SLC25A36: variants seen among roughly 807,000 people sequenced by gnomAD.
SLC25A36 encodes epididymis secretory sperm binding protein.
A neutral mutation model predicts 35.3 loss-of-function variants in SLC25A36; 24 were observed. The ratio of observed to expected loss-of-function variants is 0.68; its 90% CI spans 0.49 to 0.96. The LOEUF is 0.96. Among genes scored for constraint, SLC25A36 ranks in the 40% least tolerant of loss-of-function variants. The pLI, the probability that SLC25A36 is intolerant of heterozygous loss-of-function variation, is 0.00. For synonymous variants in SLC25A36, 141 were observed against 132.2 expected (o/e 1.07, Z -0.46); for missense variants, 294 against 381.1 (o/e 0.77, Z 1.90).
At position 140,979,928 on chromosome 3, in the gene SLC25A36, C is replaced by G. The variant is rs372271376; in HGVS notation, c.*3475C>G. The G allele has an allele frequency of 5.3e-5, 8 of 152,130 alleles. No homozygotes were observed. The East Asian group carries it at 1.5e-3, about 29-fold the overall frequency. 9.4% of individuals were successfully genotyped at this position (152,130 alleles called of 1,614,324 possible). A position where few individuals can be genotyped will look rare whatever the true frequency, so the allele number is the denominator to read the frequency against. On this transcript the variant is annotated 3_prime_UTR_variant, in exon 7 of 7. Coordinates refer to ENST00000324194, the MANE Select transcript of SLC25A36 (RefSeq NM_001104647.3). ...TGTTCAAATTTTAAAAATTAAAATA[C>G]GCTCATGAAAATATGGCTTTTTCTG...
At chr3:140,971,975 A>C (rs1455575359) in intron 5 of SLC25A36, among the ~76,000 whole-genome samples, 1 of 152,174 alleles carries the variant, frequency 6.6e-6, no homozygotes, top group Middle Eastern at 3.2e-3. Context: ...TGTTATGTTG[A>C]ACTATATACT....
At chr3:140,966,464 T>C (rs1330283877) in intron 4 of SLC25A36, 1 of 172,218 alleles carries the variant, frequency 5.8e-6, no homozygotes, top group Non-Finnish European at 1.3e-5. Flanking sequence ...TTCTTTATTT[T>C]ATTAAAAATT....
intron 3 of SLC25A36, 125 bp downstream of exon 3, chr3:140,959,665 T>C (rs1934580771): frequency 1.1e-5 from 5 of 441,480 alleles, no homozygotes; most frequent in African/African-American, 2.0e-5. Flanking sequence ...TTATGGGAAG[T>C]TAAAATACTT....
At chr3:140,963,326 C>G in intron 4 of SLC25A36, 99 bp downstream of exon 4, 1 of 737,380 alleles carries the variant, frequency 1.4e-6, no homozygotes, top group Non-Finnish European at 2.1e-6. Context: ...GATTAATGTG[C>G]TTTTCATTGA....
At chr3:140,962,262 A>G (rs1026089093) in intron 3 of SLC25A36, among the ~76,000 whole-genome samples, 1 of 152,202 alleles carries the variant, frequency 6.6e-6, no homozygotes, top group African/African-American at 2.4e-5. Context: ...AAGGTACAAC[A>G]GTGAAATTCT....
chr3:140,971,290 G>T (rs1934894039), intron 5 of SLC25A36, among the ~76,000 whole-genome samples: 1 of 152,082 alleles, frequency 6.6e-6, no homozygotes, highest in African/African-American at 2.4e-5. Context: ...AGCCCAAAAG[G>T]TAATACTTTC....
At chr3:140,952,932 T>C (rs1190052152) in intron 1 of SLC25A36, among the ~76,000 whole-genome samples, 1 of 152,248 alleles carries the variant, frequency 6.6e-6, no homozygotes, top group African/African-American at 2.4e-5. Context: ...ATGTTTATTA[T>C]AGATTTTGGG....
intron 1 of SLC25A36, among the ~76,000 whole-genome samples, chr3:140,951,608 C>T (rs557994133): frequency 2.6e-5 from 4 of 151,950 alleles, no homozygotes; most frequent in Non-Finnish European, 4.4e-5. Context: ...CTCAGACTCC[C>T]GAGTAGCTAA....
At chr3:140,959,352 G>A in intron 2 of SLC25A36, 111 bp from the exon 3 acceptor site, 1 of 667,374 alleles carries the variant, frequency 1.5e-6, no homozygotes, top group Non-Finnish European at 2.4e-6. Context: ...CACCAGAGAA[G>A]CACAACATAA....
At chr3:140,944,566 A>G (rs1310301284) in intron 1 of SLC25A36, among the ~76,000 whole-genome samples, 1 of 152,232 alleles carries the variant, frequency 6.6e-6, no homozygotes, top group African/African-American at 2.4e-5. Flanking sequence ...TTAAAGACTG[A>G]TAGAATTGTA....
chr3:140,949,665 A>C (rs1194471246), intron 1 of SLC25A36, among the ~76,000 whole-genome samples: 2 of 152,182 alleles, frequency 1.3e-5, no homozygotes, highest in Non-Finnish European at 2.9e-5. Context: ...GTGTTGTTAG[A>C]TTCGTAACCA....
At chr3:140,963,006 G>A (rs962451055) in intron 3 of SLC25A36, 121 bp from the exon 4 acceptor site, 1 of 528,182 alleles carries the variant, frequency 1.9e-6, no homozygotes, top group African/African-American at 2.0e-5. Context: ...TGTTACATGA[G>A]AATGTGGCTA....
At chr3:140,955,249 A>G (rs1235282129) in intron 1 of SLC25A36, among the ~76,000 whole-genome samples, 2 of 151,818 alleles carry the variant, frequency 1.3e-5, no homozygotes, top group South Asian at 2.1e-4. Context: ...CTTTATATAT[A>G]TGTGTGTGTG....
At chr3:140,966,722 G>A (rs1257809330) in intron 4 of SLC25A36, 1 of 353,232 alleles carries the variant, frequency 2.8e-6, no homozygotes, top group Non-Finnish European at 5.6e-6. Context: ...TTCTGAAACT[G>A]CTGCAGATGG....
intron 1 of SLC25A36, among the ~76,000 whole-genome samples, chr3:140,950,070 T>C (rs1319816585): frequency 6.6e-6 from 1 of 152,192 alleles, no homozygotes; most frequent in African/African-American, 2.4e-5. Context: ...ATTGTACCAC[T>C]CTCTTGTTTC....
intron 5 of SLC25A36, among the ~76,000 whole-genome samples, chr3:140,972,346 G>T (rs1934926460): frequency 6.6e-6 from 1 of 152,074 alleles, no homozygotes; most frequent in Admixed American, 6.6e-5. Context: ...ATAATGAAAG[G>T]TTGACTTGAG....
intron 1 of SLC25A36, chr3:140,942,741 G>A (rs1441025282): frequency 6.6e-6 from 1 of 152,300 alleles, no homozygotes; most frequent in East Asian, 1.9e-4. Flanking sequence ...TGGGTGGTAA[G>A]GGGGCTACGG....
rs1256556720 is a variant in SLC25A36 at position 140,950,253 on chromosome 3, C to G, written c.42-6274C>G. 2.6e-5 allele frequency among the ~76,000 whole-genome samples: 4 copies of G among 151,976 alleles called. No individual in the cohort carries two copies. The South Asian group carries it at 6.2e-4, about 24-fold the overall frequency. The stretch of plus-strand genomic sequence containing the variant: ...GAATAACTTCATTCCTCCCCGCCCC[C>G]ACCCCCCACTGCCCCTGAAGTTAAT... On this transcript the variant is annotated intron_variant, in intron 1 of 6. Coordinates refer to ENST00000324194, the MANE Select transcript of SLC25A36 (RefSeq NM_001104647.3).
chr3:140,959,386 C>CG, intron 2 of SLC25A36, 77 bp from the exon 3 acceptor site: 2 of 816,302 alleles, frequency 2.5e-6, no homozygotes, highest in Non-Finnish European at 3.8e-6. Flanking sequence ...GATTTAGACT[C>CG]TAACTTTATA....
Sources: gnomAD v4.1 joint callset for allele counts (sites outside exome capture counted in the v4.1 genomes callset) on GRCh38, gnomAD v4.1.1 for gene constraint, MANE v1.5 for transcripts, NCBI Gene and HGNC (gene_info 2026-07-23, HGNC 2026-07-21) for gene names.